The following RGS6 variants were observed in gnomAD, a reference collection of about 807,000 sequenced individuals.
RGS6 encodes regulator of G-protein signaling 6.
Under a neutral mutation model 78.5 loss-of-function variants are expected in RGS6, and 30 were observed. The ratio of observed to expected loss-of-function variants is 0.38; its 90% CI spans 0.29 to 0.52. RGS6 has a LOEUF of 0.52. Among genes scored for constraint, RGS6 ranks in the 20% least tolerant of loss-of-function variants. The pLI is 0.85. For synonymous variants in RGS6, 206 were observed against 206.0 expected, an observed-to-expected ratio of 1.00 and a Z score of 0.00; for missense variants, 495 against 609.7, an observed-to-expected ratio of 0.81 and a Z score of 1.98.
chr14:71,991,714 T>C (rs2094961335), intron 2 of RGS6, among the ~76,000 whole-genome samples: 1 of 152,250 alleles, frequency 6.6e-6, no homozygotes, highest in South Asian at 2.1e-4. Flanking sequence ...AGACTTACTG[T>C]ACTTGCTGTT....
At chr14:72,527,543 G>T (rs2097133645) in intron 15 of RGS6, among the ~76,000 whole-genome samples, 1 of 152,180 alleles carries the variant, frequency 6.6e-6, no homozygotes, top group Non-Finnish European at 1.5e-5. Context: ...AACTGAAATA[G>T]TACAGCTAGA....
intron 3 of RGS6, among the ~76,000 whole-genome samples, chr14:72,395,787 G>GT (rs1186995411): frequency 6.6e-6 from 1 of 152,048 alleles, no homozygotes; most frequent in South Asian, 2.1e-4. Context: ...GTGGTGTTTG[G>GT]TTTTTTTCCC....
At chr14:72,353,343 C>T (rs1009869435) in intron 3 of RGS6, among the ~76,000 whole-genome samples, 8 of 152,122 alleles carry the variant, frequency 5.3e-5, no homozygotes, top group African/African-American at 1.2e-4. Flanking sequence ...CTTCAGTGAA[C>T]GGGTAAATGG....
chr14:72,052,312 C>A (rs2153414000), intron 2 of RGS6, among the ~76,000 whole-genome samples: 1 of 152,212 alleles, frequency 6.6e-6, no homozygotes, highest in South Asian at 2.1e-4. Context: ...TTATCAGAAA[C>A]CTGTAAAGGA....
At chr14:72,412,005 C>A (rs981705646) in intron 3 of RGS6, among the ~76,000 whole-genome samples, 1 of 152,234 alleles carries the variant, frequency 6.6e-6, no homozygotes, top group South Asian at 2.1e-4. Flanking sequence ...CAGTGTTCAT[C>A]AAGGATATTG....
chr14:71,930,628 A>G (rs988782537), upstream of RGS6, among the ~76,000 whole-genome samples: 1 of 152,062 alleles, frequency 6.6e-6, no homozygotes, highest in Non-Finnish European at 1.5e-5. Flanking sequence ...TGCTGTTTAT[A>G]CTTCCACAGT....
chr14:72,360,960 A>C (rs941141736), intron 3 of RGS6, among the ~76,000 whole-genome samples: 3 of 152,050 alleles, frequency 2.0e-5, no homozygotes, highest in African/African-American at 7.2e-5. Flanking sequence ...AGTGTTTGAC[A>C]GTTTCTTCTT....
intron 17 of RGS6, chr14:72,540,682 T>A (rs565362597): frequency 8.7e-6 from 12 of 1,376,836 alleles, no homozygotes; most frequent in Non-Finnish European, 1.2e-5. Flanking sequence ...CCAGCCCCCA[T>A]CAGCCTCATG....
At chr14:72,298,114 T>C (rs1318550786) in intron 2 of RGS6, among the ~76,000 whole-genome samples, 1 of 152,156 alleles carries the variant, frequency 6.6e-6, no homozygotes, top group Non-Finnish European at 1.5e-5. Flanking sequence ...TATGGTGGGA[T>C]AAAATTTTAA....
chr14:72,341,475 G>A (rs1403455099), intron 2 of RGS6, among the ~76,000 whole-genome samples: 6 of 152,194 alleles, frequency 3.9e-5, no homozygotes, highest in African/African-American at 7.2e-5. Context: ...GCAAGTACTG[G>A]AATATCAAGT....
intron 2 of RGS6, among the ~76,000 whole-genome samples, chr14:72,080,178 T>C (rs930530962): frequency 1.3e-5 from 2 of 152,128 alleles, no homozygotes; most frequent in Non-Finnish European, 2.9e-5. Flanking sequence ...CCCTTTTCTC[T>C]ATATCCTAGC....
chr14:72,127,600 C>G (rs373011200), intron 2 of RGS6, among the ~76,000 whole-genome samples: 1 of 151,932 alleles, frequency 6.6e-6, no homozygotes, highest in African/African-American at 2.4e-5. Flanking sequence ...CACAATTAAC[C>G]AGGGCTTAAA....
At chr14:72,282,565 T>C (rs1173699321) in intron 2 of RGS6, among the ~76,000 whole-genome samples, 1 of 152,184 alleles carries the variant, frequency 6.6e-6, no homozygotes, top group Admixed American at 6.5e-5. Context: ...GCCCAATTTC[T>C]CTTTAGCTGG....
chr14:72,285,258 G>C (rs921167958), intron 2 of RGS6, among the ~76,000 whole-genome samples: 2 of 152,132 alleles, frequency 1.3e-5, no homozygotes, highest in South Asian at 2.1e-4. Context: ...TGGTTTGGCT[G>C]TGTCCCCACC....
At chr14:72,623,435 C>T in the RGS6 span, among the ~76,000 whole-genome samples, 1 of 152,072 alleles carries the variant, frequency 6.6e-6, no homozygotes, top group Non-Finnish European at 1.5e-5. Flanking sequence ...GACAATACAT[C>T]CTTAGTAGGA....
At chr14:72,253,056 C>T (rs1002151457) in intron 2 of RGS6, among the ~76,000 whole-genome samples, 2 of 152,212 alleles carry the variant, frequency 1.3e-5, no homozygotes, top group Non-Finnish European at 2.9e-5. Flanking sequence ...CAGTGACTTA[C>T]GGTGCTTCCT....
intron 14 of RGS6, among the ~76,000 whole-genome samples, chr14:72,512,267 G>T (rs2096887871): frequency 6.6e-6 from 1 of 152,194 alleles, no homozygotes; most frequent in Non-Finnish European, 1.5e-5. Context: ...CATTGTGAGG[G>T]TCCCAGGAGC....
intron 2 of RGS6, among the ~76,000 whole-genome samples, chr14:72,294,149 A>G (rs1230406344): frequency 2.0e-5 from 3 of 152,264 alleles, no homozygotes; most frequent in Non-Finnish European, 4.4e-5. Flanking sequence ...GTCTCCAACC[A>G]GAATAAGCAC....
intron 13 of RGS6, among the ~76,000 whole-genome samples, chr14:72,503,026 A>T (rs57126808): frequency 0.17 from 25,802 of 151,984 alleles, 2,492 homozygotes; most frequent in African/African-American, 0.27. Flanking sequence ...CAATATAAAA[A>T]TTTTTTTCAC....
Sources: allele counts gnomAD v4.1 joint callset (sites outside exome capture counted in the v4.1 genomes callset), GRCh38; gene constraint gnomAD v4.1.1; transcripts MANE v1.5; gene names NCBI Gene and HGNC (gene_info 2026-07-23, HGNC 2026-07-21).